Variants in LIN28B observed in about 807,000 individuals in gnomAD.
The protein encoded by LIN28B is lin-28 RNA binding posttranscriptional regulator B, also known as protein lin-28 homolog B.
A neutral mutation model predicts 21.9 loss-of-function variants in LIN28B; 5 were observed. The ratio of observed to expected loss-of-function variants is 0.23; its 90% CI spans 0.12 to 0.48. LIN28B has a LOEUF of 0.48. Ranked by LOEUF, LIN28B falls within the 20% of genes least tolerant of loss-of-function variation. The probability of loss-of-function intolerance (pLI) is 0.98; values close to 1 mark genes in which losing one functional copy is unlikely to be tolerated. For synonymous variants in LIN28B, 109 were observed against 111.3 expected (o/e 0.98, Z 0.13); for missense variants, 245 against 310.5 (o/e 0.79, Z 1.58).
intron 3 of LIN28B, among the ~76,000 whole-genome samples, chr6:105,076,059 T>C (rs1421800264): frequency 6.6e-6 from 1 of 152,230 alleles, no homozygotes; most frequent in African/African-American, 2.4e-5. Context: ...TGTCATTTTT[T>C]AGTGTTATTT....
intron 3 of LIN28B, among the ~76,000 whole-genome samples, chr6:105,066,172 CA>C (rs1375417840): frequency 6.6e-6 from 1 of 151,944 alleles, no homozygotes. Context: ...GACTCTGTCT[CA>C]AAAAATAATA....
chr6:104,993,984 C>T (rs1446725376), intron 2 of LIN28B, among the ~76,000 whole-genome samples: 1 of 152,044 alleles, frequency 6.6e-6, no homozygotes, highest in African/African-American at 2.4e-5. Context: ...TATCATTAAA[C>T]TATACCAGTT....
chr6:104,999,206 C>G (rs188268434), intron 2 of LIN28B, among the ~76,000 whole-genome samples: 1 of 152,242 alleles, frequency 6.6e-6, no homozygotes, highest in East Asian at 1.9e-4. Context: ...GTGGCATGCT[C>G]ATAGCTCATT....
At chr6:105,002,629 C>G (rs1259423661) in intron 2 of LIN28B, among the ~76,000 whole-genome samples, 2 of 152,284 alleles carry the variant, frequency 1.3e-5, no homozygotes, top group South Asian at 2.1e-4. Flanking sequence ...AGAACATATC[C>G]ATGATTGTGT....
chr6:105,000,759 C>T (rs778772317), intron 2 of LIN28B, among the ~76,000 whole-genome samples: 1 of 152,084 alleles, frequency 6.6e-6, no homozygotes, highest in Non-Finnish European at 1.5e-5. Flanking sequence ...GCCAGTTGTT[C>T]TAAGCAGTTG....
chr6:105,078,629 G>A lies in LIN28B; in HGVS notation c.599G>A (p.Gly200Asp). ...TLPREVGGGH[G>D]CTSPPFPQEA... ...CCTCGAGAAGTGGGAGGCGGGCATG[G>A]CTGTACATCACCACCGTTTCCTCAG... Residue 200 changes from glycine to aspartate, a missense_variant, in exon 4 of 4, where the codon GGC becomes GAC. By Grantham distance (94) the Gly-to-Asp change is moderately conservative. Coordinates refer to ENST00000345080, the MANE Select transcript of LIN28B (RefSeq NM_001004317.4). The A allele has an allele frequency of 6.2e-7, 1 of 1,614,114 alleles. No individual in the cohort carries two copies. Among genetic ancestry groups the A allele is most frequent in the Non-Finnish European group, 8.5e-7 (1 of 1,180,032 alleles).
chr6:104,980,499 G>A (rs1368423919), intron 2 of LIN28B, among the ~76,000 whole-genome samples: 1 of 152,142 alleles, frequency 6.6e-6, no homozygotes, highest in Non-Finnish European at 1.5e-5. Context: ...GGTTTCAGAG[G>A]TGCACAAATG....
At chr6:105,014,026 A>G (rs746062869) in intron 2 of LIN28B, among the ~76,000 whole-genome samples, 5 of 151,702 alleles carry the variant, frequency 3.3e-5, no homozygotes, top group African/African-American at 9.7e-5. Context: ...ACTTTTCTCT[A>G]TTGTTTTTTA....
At chr6:104,989,196 C>T (rs1042399875) in intron 2 of LIN28B, among the ~76,000 whole-genome samples, 1 of 152,070 alleles carries the variant, frequency 6.6e-6, no homozygotes, top group Non-Finnish European at 1.5e-5. Flanking sequence ...TTTCCTTCCA[C>T]CCAATTTCCT....
At chr6:105,068,003 TCTTAC>T (rs775540459) in intron 3 of LIN28B, among the ~76,000 whole-genome samples, 7 of 152,308 alleles carry the variant, frequency 4.6e-5, no homozygotes, top group Admixed American at 2.0e-4. Context: ...GCATTTTTCC[TCTTAC>T]CTTCTTGTTT....
At chr6:105,028,918 AC>A (rs1015055479) in intron 3 of LIN28B, among the ~76,000 whole-genome samples, 2 of 152,196 alleles carry the variant, frequency 1.3e-5, no homozygotes, top group African/African-American at 4.8e-5. Context: ...AGAGGGAGGA[AC>A]AGCAAAGGGC....
At chr6:104,993,403 CTG>C (rs1264099775) in intron 2 of LIN28B, among the ~76,000 whole-genome samples, 39 of 151,854 alleles carry the variant, frequency 2.6e-4, no homozygotes, top group Admixed American at 2.5e-3. Context: ...AGGATTTCGA[CTG>C]TAGTGAGCTG....
chr6:105,063,647 G>A (rs9377688), intron 3 of LIN28B, among the ~76,000 whole-genome samples: 75,781 of 117,642 alleles, frequency 0.64, 24,128 homozygotes, highest in South Asian at 0.75. Context: ...GGGGGGGGGG[G>A]GAAAAAAAGG....
rs1179819917 is a variant in LIN28B, at chr6:104,959,978, A to G, written c.198+1692A>G. ...AACCAATGTTAATGTTTAGAACAACAAGACATTTGTGTTTATACTATTTAA... is the reference window on the plus strand; with the variant it reads ...AACCAATGTTAATGTTTAGAACAACGAGACATTTGTGTTTATACTATTTAA... On this transcript the variant is annotated intron_variant, in intron 2 of 3. Transcript: ENST00000345080. Among the ~76,000 whole-genome samples the G allele has an allele frequency of 2.0e-5, 3 of 152,170 alleles. 1 individual carries two copies. The highest frequency in any genetic ancestry group is 4.4e-5 in the Non-Finnish European group (3 of 68,000).
At chr6:104,957,352 C>CA in intron 1 of LIN28B, 92 bp downstream of exon 1, 1 of 834,212 alleles carries the variant, frequency 1.2e-6, no homozygotes, top group Non-Finnish European at 1.9e-6. Flanking sequence ...CCGTCCCCCC[C>CA]TTCCCCTTTT....
chr6:105,001,019 A>G (rs1770707832), intron 2 of LIN28B, among the ~76,000 whole-genome samples: 1 of 152,178 alleles, frequency 6.6e-6, no homozygotes, highest in Admixed American at 6.5e-5. Context: ...ATTTTATGTT[A>G]TTTGTATTTT....
At chr6:104,942,887 G>A (rs1371498324) in intron 2 of LIN28B, among the ~76,000 whole-genome samples, 1 of 137,588 alleles carries the variant, frequency 7.3e-6, no homozygotes, top group East Asian at 2.1e-4. Context: ...TTGGTTTTTG[G>A]TAACTTTATA....
chr6:105,015,907 T>C (rs915927162), intron 2 of LIN28B, among the ~76,000 whole-genome samples: 1 of 152,142 alleles, frequency 6.6e-6, no homozygotes, highest in Non-Finnish European at 1.5e-5. Flanking sequence ...ATGGGGAGTA[T>C]AATGAAAAAG....
At chr6:104,993,752 T>C (rs371305372) in intron 2 of LIN28B, among the ~76,000 whole-genome samples, 2 of 151,766 alleles carry the variant, frequency 1.3e-5, no homozygotes, top group East Asian at 2.0e-4. Flanking sequence ...CAAGAATCCC[T>C]TTAACCTGGG....
Sources: gnomAD v4.1 joint callset for allele counts (sites outside exome capture counted in the v4.1 genomes callset) on GRCh38, gnomAD v4.1.1 for gene constraint, MANE v1.5 for transcripts, NCBI Gene and HGNC (gene_info 2026-07-23, HGNC 2026-07-21) for gene names.